The following ZDBF2 variants were observed in gnomAD, a reference collection of about 807,000 sequenced individuals.
ZDBF2 encodes the protein DBF4-type zinc finger-containing protein 2.
A neutral mutation model predicts 9.4 loss-of-function variants in ZDBF2; 6 were observed. That is an observed-to-expected ratio of 0.64 (90% CI 0.35 to 1.27). The LOEUF (loss-of-function observed/expected upper bound fraction) is 1.27, where lower values mean the gene tolerates loss of function less well. ZDBF2 is among the 50% of genes most tolerant of loss of function. The probability of loss-of-function intolerance (pLI) is 0.03; values close to 1 mark genes in which losing one functional copy is unlikely to be tolerated. For missense variants in ZDBF2, 2,697 were observed against 2,766.8 expected (o/e 0.97, Z 0.57); for synonymous variants, 905 against 946.3 (o/e 0.96, Z 0.80).
intron 3 of ZDBF2, among the ~76,000 whole-genome samples, chr2:206,284,263 A>G (rs1259389078): frequency 6.6e-6 from 1 of 152,026 alleles, no homozygotes; most frequent in East Asian, 1.9e-4. Context: ...TGCTACCCAT[A>G]GTGGATGTAT....
Position 206,310,531 on chromosome 2 carries a change from G to A in ZDBF2, c.6003G>A (p.Lys2001=), listed in dbSNP as rs761566646. ...EFPASCTKVL[K]PMQPKALVCV... is the part of the protein sequence containing the mutation. ...CTGCATCATGTACTAAAGTTTTGAA[G>A]CCTATGCAACCCAAAGCCTTAGTCT... The change falls in exon 5 of 5, where the codon AAG becomes AAA. Residue 2001 remains lysine, a synonymous_variant. Coordinates refer to ENST00000374423, the MANE Select transcript of ZDBF2 (RefSeq NM_020923.3). The A allele has an allele frequency of 5.6e-6, 9 of 1,613,546 alleles. No homozygotes were observed. The highest frequency in any genetic ancestry group is 7.6e-6 in the Non-Finnish European group (9 of 1,179,806).
chr2:206,313,250 C>T lies in ZDBF2; in HGVS notation c.*1657C>T, dbSNP rs1192830673. ...TTTATTTCAGGGGCCATTATTTAAC[C>T]TGTGTGTATGCTATGATGGAGTTCT... is the stretch of plus-strand genomic sequence containing the variant. On this transcript the variant is annotated 3_prime_UTR_variant, in exon 5 of 5. Coordinates refer to ENST00000374423, the MANE Select transcript of ZDBF2 (RefSeq NM_020923.3). 6.6e-6 allele frequency: 1 copy of T among 152,078 alleles called. No homozygotes were observed. The highest frequency in any genetic ancestry group is 2.4e-5 in the African/African-American group (1 of 41,416). 9.4% of individuals were successfully genotyped at this position (152,078 alleles called of 1,614,324 possible). A position where few individuals can be genotyped will look rare whatever the true frequency, so the allele number is the denominator to read the frequency against.
Position 206,314,280 on chromosome 2 carries a change from T to G in ZDBF2, c.*2687T>G. Reference sequence around the variant, plus strand: ...GAGTAACACTTTTTTTTTTTTTTTTTGGTTAAAGAAAAGCTATATTTAAAT... The same window carrying G: ...GAGTAACACTTTTTTTTTTTTTTTTGGGTTAAAGAAAAGCTATATTTAAAT... On this transcript the variant is annotated 3_prime_UTR_variant, in exon 5 of 5. Coordinates refer to ENST00000374423, the MANE Select transcript of ZDBF2 (RefSeq NM_020923.3). 1 of 151,002 alleles carries G rather than the reference T, an allele frequency of 6.6e-6. No homozygotes were observed. The highest frequency in any genetic ancestry group is 3.4e-3 in the Middle Eastern group (1 of 294). 9.4% of individuals were successfully genotyped at this position (151,002 alleles called of 1,614,324 possible).
At chr2:206,286,482 G>A (rs1280209556) in intron 3 of ZDBF2, among the ~76,000 whole-genome samples, 1 of 151,682 alleles carries the variant, frequency 6.6e-6, no homozygotes, top group Non-Finnish European at 1.5e-5. Context: ...TATCATAAAT[G>A]TAGCTACTCC....
rs746951501 is a variant in ZDBF2, at chr2:206,310,145, A to G, written c.5617A>G (p.Lys1873Glu). Reference protein sequence around the residue: ...CETKKVSSKGKKKVTWADLQG... With the variant: ...CETKKVSSKGEKKVTWADLQG... Reference sequence around the variant, plus strand: ...GACCAAAAAAGTTTCTTCGAAGGGGAAAAAAAAGGTTACCTGGGCTGACTT... The same window carrying G: ...GACCAAAAAAGTTTCTTCGAAGGGGGAAAAAAAGGTTACCTGGGCTGACTT... The change falls in exon 5 of 5, where the codon AAA (lysine) becomes GAA (glutamate). Residue 1873 changes from lysine (K) to glutamate (E), a missense_variant. Transcript: ENST00000374423. 2.3e-5 allele frequency: 37 copies of G among 1,608,892 alleles called. No homozygotes were observed. The highest frequency in any genetic ancestry group is 1.6e-4 in the South Asian group (14 of 90,152).
At chr2:206,297,112 A>G (rs1692216149) in intron 3 of ZDBF2, 134 bp from the exon 4 acceptor site, 1 of 487,372 alleles carries the variant, frequency 2.1e-6, no homozygotes, top group African/African-American at 2.0e-5. Flanking sequence ...TTTAGATGCA[A>G]ATTTCAGAAT....
intron 3 of ZDBF2, chr2:206,292,074 T>C (rs1365301481): frequency 1.8e-5 from 7 of 398,236 alleles, no homozygotes; most frequent in Non-Finnish European, 3.1e-5. Flanking sequence ...TGATTCCCGA[T>C]GGAAGCTCAG....
intron 3 of ZDBF2, among the ~76,000 whole-genome samples, chr2:206,286,702 A>G (rs1044787396): frequency 1.3e-5 from 2 of 152,162 alleles, no homozygotes; most frequent in Admixed American, 6.5e-5. Flanking sequence ...AGCCATCTAT[A>G]TGTGTCTTTA....
At chr2:206,297,485 G>A (rs1375238280) in intron 4 of ZDBF2, 112 bp downstream of exon 4, 1 of 1,099,982 alleles carries the variant, frequency 9.1e-7, no homozygotes, top group African/African-American at 1.6e-5. Context: ...GGAATATAAA[G>A]TAAAATTTTA....
chr2:206,311,193 T>C lies in ZDBF2; in HGVS notation c.6665T>C (p.Ile2222Thr), dbSNP rs1559163753. ...SIWIRTKPSD[I>T]IRKYISKYSV... is the part of the protein sequence containing the mutation. ...TGGATTCGGACCAAACCAAGTGATA[T>C]CATTAGAAAGTATATTTCGAAATAC... Residue 2222 changes from isoleucine (I) to threonine (T), a missense_variant, in exon 5 of 5, where the codon ATC (isoleucine) becomes ACC (threonine). By Grantham distance (89) the Ile-to-Thr change is moderately conservative (BLOSUM62 -1). Transcript: ENST00000374423. 7.4e-6 allele frequency: 12 copies of C among 1,612,578 alleles called. No homozygotes were observed. Among genetic ancestry groups the C allele is most frequent in the Admixed American group, 1.7e-5 (1 of 59,690 alleles).
rs1209679167 is a variant in ZDBF2, at chr2:206,311,222, G to T, written c.6694G>T (p.Val2232Phe). 3 of 1,611,706 alleles carry T rather than the reference G, an allele frequency of 1.9e-6. No homozygotes were observed. The highest frequency in any genetic ancestry group is 2.5e-6 in the Non-Finnish European group (3 of 1,179,058). The change falls in exon 5 of 5, where the codon GTC (valine) becomes TTC (phenylalanine). Residue 2232 changes from valine (V) to phenylalanine (F), a missense_variant. Transcript: ENST00000374423. ...IIRKYISKYS[V>F]FLRHRYQSRS... ...TAGAAAGTATATTTCGAAATACTCT[G>T]TCTTTTTACGTCATAGATATCAGTC... is the stretch of plus-strand genomic sequence containing the variant.
In ZDBF2 at chr2:206,313,204, C is replaced by T. The variant is rs1693272825; in HGVS notation, c.*1611C>T. 6.6e-6 allele frequency: 1 copy of T among 152,106 alleles called. No homozygotes were observed. The highest frequency in any genetic ancestry group is 2.1e-4 in the South Asian group (1 of 4,828). 9.4% of individuals were successfully genotyped at this position (152,106 alleles called of 1,614,324 possible). The stretch of plus-strand genomic sequence containing the variant: ...TTAGAAATAATGAAATATAGTGTAA[C>T]AGTTGGTTTCTAAATGTGGTTTTAT... On this transcript the variant is annotated 3_prime_UTR_variant, in exon 5 of 5. Transcript: ENST00000374423.
intron 4 of ZDBF2, among the ~76,000 whole-genome samples, chr2:206,298,221 C>T (rs980068129): frequency 5.9e-5 from 9 of 152,040 alleles, no homozygotes; most frequent in Non-Finnish European, 1.2e-4. Flanking sequence ...AGTTAATGCC[C>T]TATGTTAAAG....
chr2:206,287,042 A>G (rs563245449), intron 3 of ZDBF2, among the ~76,000 whole-genome samples: 47 of 152,134 alleles, frequency 3.1e-4, no homozygotes, highest in Admixed American at 2.2e-3. Flanking sequence ...TGGCTGTGGG[A>G]CCAGGGTCCT....
chr2:206,275,283 T>C (rs1165986756), intron 1 of ZDBF2, among the ~76,000 whole-genome samples: 3 of 150,104 alleles, frequency 2.0e-5, no homozygotes, highest in African/African-American at 7.4e-5. Flanking sequence ...GTCTGCGGGG[T>C]CGGATTGAGG....
rs1693117237 is a variant in ZDBF2 at position 206,310,651 on chromosome 2, T to C, written c.6123T>C (p.Phe2041=). Residue 2041 remains phenylalanine (F), a synonymous_variant, in exon 5 of 5, where the codon TTT becomes TTC. Coordinates refer to ENST00000374423, the MANE Select transcript of ZDBF2 (RefSeq NM_020923.3). ...RHHSWDNDIR[F]ICKYKRNIFD... ...ATAGTTGGGATAATGATATTCGGTT[T>C]ATATGCAAATATAAACGGAATATCT... 6 of 1,609,856 alleles carry C rather than the reference T, an allele frequency of 3.7e-6. No individual in the cohort carries two copies. The highest frequency in any genetic ancestry group is 5.1e-6 in the Non-Finnish European group (6 of 1,177,676).
In ZDBF2 at chr2:206,292,152, T is replaced by A. The variant is rs572330417; in HGVS notation, c.61-5094T>A. On this transcript the variant is annotated intron_variant, in intron 3 of 4. Coordinates refer to ENST00000374423, the MANE Select transcript of ZDBF2 (RefSeq NM_020923.3). The stretch of plus-strand genomic sequence containing the variant: ...AGGCAATCAATCTAAGTGAATACTG[T>A]CTTGTGGGATGAACAACAATGGCAT... 9.5e-5 allele frequency: 38 copies of A among 398,194 alleles called. 1 individual carries two copies. The highest frequency in any genetic ancestry group is 7.6e-4 in the African/African-American group (37 of 48,718). The allele number at this position is 398,194 out of a possible 1,614,324, so 24.7% of individuals were successfully genotyped here.
chr2:206,276,232 C>G (rs1013039993), intron 1 of ZDBF2, among the ~76,000 whole-genome samples: 4 of 151,810 alleles, frequency 2.6e-5, no homozygotes, highest in African/African-American at 9.7e-5. Flanking sequence ...TGGGTCGTGA[C>G]TAGCATTAAA....
At position 206,307,229 on chromosome 2, in the gene ZDBF2, C is replaced by G; in HGVS notation, c.2701C>G (p.Gln901Glu). Reference sequence around the variant, plus strand: ...AAAGCTAAATCCTCAAAAAGAAGAGCAGGTACACTTAGAAAATAAGGAAAA... The same window carrying G: ...AAAGCTAAATCCTCAAAAAGAAGAGGAGGTACACTTAGAAAATAAGGAAAA... ...VKKLNPQKEE[Q>E]VHLENKENEP... The change falls in exon 5 of 5, where the codon CAG (glutamine) becomes GAG (glutamate). Residue 901 changes from glutamine (Q) to glutamate (E), a missense_variant. By Grantham distance (29) the Gln-to-Glu change is conservative. Coordinates refer to ENST00000374423, the MANE Select transcript of ZDBF2 (RefSeq NM_020923.3). 6.2e-7 allele frequency: 1 copy of G among 1,608,942 alleles called. No individual in the cohort carries two copies. The highest frequency in any genetic ancestry group is 8.5e-7 in the Non-Finnish European group (1 of 1,178,664).
Sources: gnomAD v4.1 joint callset for allele counts (sites outside exome capture counted in the v4.1 genomes callset) on GRCh38, gnomAD v4.1.1 for gene constraint, MANE v1.5 for transcripts, NCBI Gene and HGNC (gene_info 2026-07-23, HGNC 2026-07-21) for gene names.